FRMD4A: variants seen among roughly 807,000 people sequenced by gnomAD.
FRMD4A encodes the protein FERM domain-containing protein 4A.
In FRMD4A, 29 loss-of-function variants were observed where a neutral mutation model predicts 129.1. That is an observed-to-expected ratio of 0.22 (90% confidence interval 0.17 to 0.31). The LOEUF is 0.31. Among genes scored for constraint, FRMD4A ranks in the 10% least tolerant of loss-of-function variants. The pLI, the probability that FRMD4A is intolerant of heterozygous loss-of-function variation, is 1.00. For synonymous variants in FRMD4A, 634 were observed against 571.6 expected (o/e 1.11, Z -1.56); for missense variants, 1,272 against 1,375.8 (o/e 0.92, Z 1.19).
In FRMD4A at chr10:13,644,745, T is replaced by C. The variant is rs986205927; in HGVS notation, c.*2293A>G. 6.6e-6 allele frequency: 1 copy of C among 152,178 alleles called. No homozygotes were observed. Among genetic ancestry groups the C allele is most frequent in the African/African-American group, 2.4e-5 (1 of 41,438 alleles). 9.4% of individuals were successfully genotyped at this position (152,178 alleles called of 1,614,324 possible). On this transcript the variant is annotated 3_prime_UTR_variant, in exon 25 of 25. Coordinates refer to ENST00000357447, the MANE Select transcript of FRMD4A (RefSeq NM_018027.5). Reference sequence around the variant, plus strand: ...CAGTCTGACTATCCATGAATCTTCTTTGGGAGAAAGAAAAATGGCCCAATG... The same window carrying C: ...CAGTCTGACTATCCATGAATCTTCTCTGGGAGAAAGAAAAATGGCCCAATG...
At chr10:13,921,107 G>A (rs2095065622) in intron 2 of FRMD4A, among the ~76,000 whole-genome samples, 1 of 152,126 alleles carries the variant, frequency 6.6e-6, no homozygotes, top group African/African-American at 2.4e-5. Flanking sequence ...ATTGGATTTT[G>A]GTGAGGGCTC....
At chr10:13,688,315 G>T in intron 15 of FRMD4A, among the ~76,000 whole-genome samples, 1 of 151,970 alleles carries the variant, frequency 6.6e-6, no homozygotes, top group Non-Finnish European at 1.5e-5. Context: ...AACACCGCAT[G>T]TTCTCACTCA....
chr10:13,750,109 G>GAAAGAAACGAAGAAAGAAAGAAAGAAAGA (rs59377985), intron 8 of FRMD4A, among the ~76,000 whole-genome samples: 2 of 73,578 alleles, frequency 2.7e-5, no homozygotes, highest in Non-Finnish European at 5.2e-5. Context: ...AGAAAGAAAT[G>GAAAGAAACGAAGAAAGAAAGAAAGAAAGA]AAGAAAGAAA....
intron 2 of FRMD4A, among the ~76,000 whole-genome samples, chr10:14,212,750 G>A (rs549623017): frequency 6.6e-6 from 1 of 152,326 alleles, no homozygotes; most frequent in East Asian, 1.9e-4. Flanking sequence ...TAGCACCTAT[G>A]GTGGCTGAGC....
At chr10:13,852,545 A>T (rs2094154272) in intron 3 of FRMD4A, among the ~76,000 whole-genome samples, 1 of 152,202 alleles carries the variant, frequency 6.6e-6, no homozygotes, top group Non-Finnish European at 1.5e-5. Flanking sequence ...TTTTTTAGCC[A>T]TATTTAAAAA....
At position 13,715,032 on chromosome 10, in the gene FRMD4A, C is replaced by G. The variant is rs138083289; in HGVS notation, c.760-7919G>C. ...CCAGCCTGGGCGACAGAGGAAGACTCCGTCTCAAAAATAAAAAATTAAAAA... is the reference window on the plus strand; with the variant it reads ...CCAGCCTGGGCGACAGAGGAAGACTGCGTCTCAAAAATAAAAAATTAAAAA... On this transcript the variant is annotated intron_variant, in intron 12 of 24. Coordinates refer to ENST00000357447, the MANE Select transcript of FRMD4A (RefSeq NM_018027.5). 1.0e-3 allele frequency among the ~76,000 whole-genome samples: 147 copies of G among 143,416 alleles called. 2 individuals carry two copies. In the East Asian group the frequency reaches 0.026, roughly 26 times the overall value. 94.1% of individuals were successfully genotyped at this position (143,416 alleles called of 152,430 possible). A position where few individuals can be genotyped will look rare whatever the true frequency, so the allele number is the denominator to read the frequency against.
At chr10:14,019,123 G>A (rs1041497831) in intron 2 of FRMD4A, among the ~76,000 whole-genome samples, 1 of 152,118 alleles carries the variant, frequency 6.6e-6, no homozygotes, top group African/African-American at 2.4e-5. Flanking sequence ...TAATAGAAAA[G>A]AGGATCCTCA....
chr10:13,798,674 G>A (rs1025672326), intron 4 of FRMD4A, among the ~76,000 whole-genome samples: 2 of 152,156 alleles, frequency 1.3e-5, no homozygotes, highest in Non-Finnish European at 2.9e-5. Context: ...CCGAGATGGC[G>A]CCACCGCACT....
intron 2 of FRMD4A, chr10:14,326,617 G>C (rs1843286703): frequency 2.6e-6 from 1 of 389,920 alleles, no homozygotes; most frequent in African/African-American, 2.1e-5. Flanking sequence ...CTGAAGGTGA[G>C]CCTTTATAAT....
At chr10:14,146,680 T>A (rs1402701862) in intron 2 of FRMD4A, among the ~76,000 whole-genome samples, 1 of 152,190 alleles carries the variant, frequency 6.6e-6, no homozygotes, top group Non-Finnish European at 1.5e-5. Context: ...AACACGGCAC[T>A]AAGTTCCATG....
chr10:13,831,620 C>A (rs2130940931), intron 3 of FRMD4A, among the ~76,000 whole-genome samples: 1 of 152,262 alleles, frequency 6.6e-6, no homozygotes, highest in East Asian at 1.9e-4. Flanking sequence ...ATATCTCCAA[C>A]TTTCTGGACA....
At chr10:14,208,955 G>A (rs887982396) in intron 2 of FRMD4A, among the ~76,000 whole-genome samples, 2 of 152,146 alleles carry the variant, frequency 1.3e-5, no homozygotes, top group African/African-American at 4.8e-5. Context: ...TGACACTCTG[G>A]AGGGGTGAGC....
At chr10:14,000,327 A>C (rs2095637186) in intron 2 of FRMD4A, among the ~76,000 whole-genome samples, 1 of 152,072 alleles carries the variant, frequency 6.6e-6, no homozygotes, top group Admixed American at 6.6e-5. Flanking sequence ...TTTCTAAGAG[A>C]TCTGTTTCAA....
At chr10:13,924,091 T>A (rs1421004997) in intron 2 of FRMD4A, among the ~76,000 whole-genome samples, 1 of 152,174 alleles carries the variant, frequency 6.6e-6, no homozygotes, top group Non-Finnish European at 1.5e-5. Flanking sequence ...CTTTTTAAGA[T>A]CTTGAAGCTG....
chr10:14,231,195 C>T (rs1175991354), intron 2 of FRMD4A, among the ~76,000 whole-genome samples: 2 of 152,172 alleles, frequency 1.3e-5, no homozygotes, highest in Non-Finnish European at 2.9e-5. Flanking sequence ...TGAGAAATCG[C>T]CAAACTCCTT....
intron 2 of FRMD4A, among the ~76,000 whole-genome samples, chr10:14,167,497 A>G (rs150568332): frequency 0.035 from 4,743 of 135,792 alleles, 115 homozygotes; most frequent in Non-Finnish European, 0.052. Flanking sequence ...AGATCATGCC[A>G]CTGCATTCCA....
chr10:14,024,087 T>C (rs1202766306), intron 2 of FRMD4A, among the ~76,000 whole-genome samples: 1 of 152,242 alleles, frequency 6.6e-6, no homozygotes, highest in Non-Finnish European at 1.5e-5. Context: ...TTCTTCACCC[T>C]ATTCATTCAG....
At chr10:13,991,066 C>T (rs2095601540) in intron 2 of FRMD4A, among the ~76,000 whole-genome samples, 1 of 152,154 alleles carries the variant, frequency 6.6e-6, no homozygotes, top group Admixed American at 6.5e-5. Context: ...CTGAAAGCCG[C>T]GGTTTTCCTA....
intron 2 of FRMD4A, among the ~76,000 whole-genome samples, chr10:14,279,380 G>A (rs1159490078): frequency 1.3e-5 from 2 of 151,758 alleles, no homozygotes; most frequent in African/African-American, 4.8e-5. Flanking sequence ...TGTATTTTTA[G>A]TAGAGATGGG....
Sources: gnomAD v4.1 joint callset for allele counts (sites outside exome capture counted in the v4.1 genomes callset) on GRCh38, gnomAD v4.1.1 for gene constraint, MANE v1.5 for transcripts, NCBI Gene and HGNC (gene_info 2026-07-23, HGNC 2026-07-21) for gene names.